Variants in SLC9C1 observed in about 807,000 individuals in gnomAD.
The protein encoded by SLC9C1 is solute carrier family 9 member C1.
In SLC9C1, 97 loss-of-function variants were observed where a neutral mutation model predicts 140.9. The observed-to-expected ratio is 0.69, with a 90% confidence interval of 0.58 to 0.82. The LOEUF (loss-of-function observed/expected upper bound fraction) is 0.82. Among genes scored for constraint, SLC9C1 ranks in the 40% least tolerant of loss-of-function variants. SLC9C1 has a pLI of 0.00. For missense variants in SLC9C1, 1,340 were observed against 1,389.3 expected (o/e 0.96, Z 0.56); for synonymous variants, 440 against 442.6 (o/e 0.99, Z 0.07).
At chr3:112,264,510 A>G (rs138593905) in intron 8 of SLC9C1, among the ~76,000 whole-genome samples, 167 bp from the exon 9 acceptor site, 2 of 152,126 alleles carry the variant, frequency 1.3e-5, no homozygotes, top group Non-Finnish European at 2.9e-5. Flanking sequence ...TTATTAAATT[A>G]TTTTACACAA....
chr3:112,267,315 G>A (rs13072156), intron 7 of SLC9C1, among the ~76,000 whole-genome samples: 44,872 of 151,384 alleles, frequency 0.3, 7,190 homozygotes, highest in East Asian at 0.43. Context: ...GGTGGCTCAC[G>A]CCTGTAATCC....
intron 13 of SLC9C1, among the ~76,000 whole-genome samples, chr3:112,227,439 C>T (rs2078711382): frequency 6.6e-6 from 1 of 152,048 alleles, no homozygotes; most frequent in South Asian, 2.1e-4. Flanking sequence ...TTTAAATATA[C>T]ACAAATCAAC....
intron 14 of SLC9C1, 54 bp from the exon 15 acceptor site, chr3:112,217,615 A>T: frequency 6.8e-7 from 1 of 1,477,404 alleles, no homozygotes; most frequent in Non-Finnish European, 9.1e-7. Context: ...AGATAAGTTT[A>T]ATGTTGTACT....
At chr3:112,231,102 T>C (rs917008956) in intron 13 of SLC9C1, among the ~76,000 whole-genome samples, 30 of 150,834 alleles carry the variant, frequency 2.0e-4, no homozygotes, top group Non-Finnish European at 4.3e-4. Flanking sequence ...TTTCTTTCTT[T>C]CCTTCTTTCT....
At chr3:112,288,673 T>A (rs1034390489) in intron 1 of SLC9C1, among the ~76,000 whole-genome samples, 5 of 152,328 alleles carry the variant, frequency 3.3e-5, no homozygotes, top group Admixed American at 3.3e-4. Context: ...GGTGGGACAT[T>A]GTTTTGAGCC....
At chr3:112,231,144 CCCTT>C (rs754309042) in intron 13 of SLC9C1, among the ~76,000 whole-genome samples, 2 of 142,552 alleles carry the variant, frequency 1.4e-5, no homozygotes, top group South Asian at 2.2e-4. Context: ...CTCTTTTTCT[CCCTT>C]TCTTTCTTTC....
intron 15 of SLC9C1, among the ~76,000 whole-genome samples, chr3:112,212,065 C>T (rs2078223763): frequency 6.6e-6 from 1 of 152,246 alleles, no homozygotes; most frequent in Non-Finnish European, 1.5e-5. Flanking sequence ...CGCTGTTCTG[C>T]AGCCTCTGCT....
At position 112,218,006 on chromosome 3, in the gene SLC9C1, C is replaced by T. The variant is rs141792666; in HGVS notation, c.1671-445G>A. Among the ~76,000 whole-genome samples the T allele has an allele frequency of 1.4e-4, 22 of 152,236 alleles. No homozygotes were observed. In the East Asian group the frequency reaches 4.2e-3, roughly 29 times the overall value. ...GGGAAAGCATGTATAAAGCATCCAACTCATATCACACATCTTCCCATCTCT... is the reference window on the plus strand; with the variant it reads ...GGGAAAGCATGTATAAAGCATCCAATTCATATCACACATCTTCCCATCTCT... On this transcript the variant is annotated intron_variant, in intron 14 of 28. Transcript: ENST00000305815.
rs780102544 is a variant in SLC9C1 at position 112,208,202 on chromosome 3, A to C, written c.1962T>G (p.Leu654=). 1 of 1,609,020 alleles carries C rather than the reference A, an allele frequency of 6.2e-7. No homozygotes were observed. The highest frequency in any genetic ancestry group is 8.5e-7 in the Non-Finnish European group (1 of 1,178,072). ...CCTTAAGTAGTGCCTCTAGAATATA[A>C]AGTGTAAGAAAACAGTAGTTAGTGT... is the stretch of plus-strand genomic sequence containing the variant. ...LKHTNYCFLT[L]YILEALLKIA... Residue 654 remains leucine, a synonymous_variant, in exon 16 of 29, where the codon CTT becomes CTG. Coordinates refer to ENST00000305815, the MANE Select transcript of SLC9C1 (RefSeq NM_183061.3).
intron 26 of SLC9C1, among the ~76,000 whole-genome samples, chr3:112,159,870 TAA>T (rs1488123697): frequency 4.6e-5 from 7 of 152,102 alleles, no homozygotes; most frequent in Admixed American, 1.3e-4. Context: ...TTATCTGATA[TAA>T]GTTTAGCTAC....
chr3:112,157,727 G>A (rs1336485560), intron 26 of SLC9C1, among the ~76,000 whole-genome samples: 5 of 150,108 alleles, frequency 3.3e-5, no homozygotes, highest in Middle Eastern at 3.5e-3. Flanking sequence ...TTCTTGTAGA[G>A]ATCTTTCACT....
intron 6 of SLC9C1, among the ~76,000 whole-genome samples, chr3:112,271,410 T>TATATATATATATATATATA (rs1553704077): frequency 6.7e-6 from 1 of 148,226 alleles, no homozygotes; most frequent in African/African-American, 2.4e-5. Context: ...TATATATATA[T>TATATATATATATATATATA]CAAAGCCTCA....
chr3:112,235,397 A>C (rs958116649), intron 12 of SLC9C1, among the ~76,000 whole-genome samples: 12 of 151,046 alleles, frequency 7.9e-5, no homozygotes, highest in Admixed American at 3.3e-4. Flanking sequence ...GGTTTTCTAA[A>C]TATACAATCA....
intron 28 of SLC9C1, among the ~76,000 whole-genome samples, chr3:112,150,836 ATATATTTT>A (rs2074950411): frequency 8.4e-5 from 4 of 47,366 alleles, no homozygotes; most frequent in African/African-American, 6.1e-4. Flanking sequence ...ATATATATAT[ATATATTTT>A]TTTTTTTTTT....
intron 16 of SLC9C1, among the ~76,000 whole-genome samples, chr3:112,206,790 C>T (rs945636885): frequency 6.7e-6 from 1 of 149,554 alleles, no homozygotes; most frequent in African/African-American, 2.5e-5. Flanking sequence ...GGGATGTGAA[C>T]AATCAGAACA....
intron 13 of SLC9C1, among the ~76,000 whole-genome samples, chr3:112,224,027 A>C (rs1424332347): frequency 6.6e-6 from 1 of 152,184 alleles, no homozygotes; most frequent in Non-Finnish European, 1.5e-5. Flanking sequence ...AAGTAGTAGC[A>C]CCTGAGAAGA....
chr3:112,242,230 G>A (rs146888922), intron 11 of SLC9C1, among the ~76,000 whole-genome samples: 2 of 152,176 alleles, frequency 1.3e-5, no homozygotes, highest in African/African-American at 4.8e-5. Flanking sequence ...AATCTACAAG[G>A]AACTTAAAGC....
rs187479998 is a variant in SLC9C1, at chr3:112,221,240, A to C, written c.1573-15T>G. ...TGGTAGCTTGCCTAAAAAAATATTA[A>C]TTCAAGTCATTATATAGCATGAATA... On this transcript the variant is annotated splice_polypyrimidine_tract_variant and intron_variant, in intron 13 of 28. Transcript: ENST00000305815. 3.3e-4 allele frequency: 525 copies of C among 1,602,740 alleles called. 6 individuals carry two copies. The African/African-American group carries it at 6.1e-3, about 19-fold the overall frequency.
At chr3:112,187,614 A>G (rs1384923238) in intron 20 of SLC9C1, among the ~76,000 whole-genome samples, 1 of 152,204 alleles carries the variant, frequency 6.6e-6, no homozygotes, top group East Asian at 1.9e-4. Context: ...GAAACCAGTC[A>G]AAATTTTTTA....
Sources: gnomAD v4.1 joint callset for allele counts (sites outside exome capture counted in the v4.1 genomes callset) on GRCh38, gnomAD v4.1.1 for gene constraint, MANE v1.5 for transcripts, NCBI Gene and HGNC (gene_info 2026-07-23, HGNC 2026-07-21) for gene names.